The following LRMDA variants were observed in gnomAD, a reference collection of about 807,000 sequenced individuals.
LRMDA encodes the protein leucine rich melanocyte differentiation associated.
A neutral mutation model predicts 29.8 loss-of-function variants in LRMDA; 18 were observed. The ratio of observed to expected loss-of-function variants is 0.60; its 90% CI spans 0.42 to 0.90. The LOEUF is 0.90. Among genes scored for constraint, LRMDA ranks in the 40% least tolerant of loss-of-function variants. The probability of loss-of-function intolerance (pLI) is 0.00; values close to 1 mark genes in which losing one functional copy is unlikely to be tolerated. For missense variants in LRMDA, 273 were observed against 273.9 expected (o/e 1.00, Z 0.02); for synonymous variants, 125 against 109.4 (o/e 1.14, Z -0.89).
intron 2 of LRMDA, among the ~76,000 whole-genome samples, chr10:75,633,131 C>T (rs914949639): frequency 6.6e-6 from 1 of 152,160 alleles, no homozygotes. Context: ...GACCAAACTT[C>T]GCAAAGTGAC....
intron 5 of LRMDA, among the ~76,000 whole-genome samples, chr10:76,099,630 A>T (rs959479295): frequency 6.6e-6 from 1 of 151,830 alleles, no homozygotes; most frequent in South Asian, 2.1e-4. Context: ...TTGCCTTATG[A>T]CTTCCTTTTA....
At chr10:76,047,408 TG>T (rs1848459175) in intron 4 of LRMDA, 105 bp downstream of exon 4, 1 of 1,172,952 alleles carries the variant, frequency 8.5e-7, no homozygotes, top group Non-Finnish European at 1.1e-6. Context: ...TACATATCAG[TG>T]GGTTTCCCAT....
At chr10:76,336,305 A>C (rs1840968204) in intron 6 of LRMDA, among the ~76,000 whole-genome samples, 1 of 152,234 alleles carries the variant, frequency 6.6e-6, no homozygotes, top group African/African-American at 2.4e-5. Flanking sequence ...GGACTTGTGC[A>C]AGCACAGGGA....
intron 2 of LRMDA, among the ~76,000 whole-genome samples, chr10:76,014,608 C>T (rs1054268535): frequency 2.0e-5 from 3 of 152,192 alleles, no homozygotes; most frequent in Non-Finnish European, 2.9e-5. Flanking sequence ...AACAAAATAG[C>T]AGTTCAGCTT....
chr10:76,257,248 G>T (rs1313498931), intron 5 of LRMDA, among the ~76,000 whole-genome samples: 2 of 151,474 alleles, frequency 1.3e-5, no homozygotes, highest in Non-Finnish European at 2.9e-5. Flanking sequence ...TAACTGAAAA[G>T]AATTTTGTTT....
At chr10:76,030,207 T>G (rs1188915407) in intron 2 of LRMDA, among the ~76,000 whole-genome samples, 1 of 152,200 alleles carries the variant, frequency 6.6e-6, no homozygotes, top group African/African-American at 2.4e-5. Flanking sequence ...CTATTCATCT[T>G]GATACACTTA....
At chr10:75,976,078 C>T (rs1052672135) in intron 2 of LRMDA, among the ~76,000 whole-genome samples, 2 of 152,248 alleles carry the variant, frequency 1.3e-5, no homozygotes, top group Non-Finnish European at 2.9e-5. Context: ...TTCCCTCCAG[C>T]AGTTACCTGT....
chr10:75,954,347 GC>G (rs1012547011), intron 2 of LRMDA, among the ~76,000 whole-genome samples: 1 of 152,160 alleles, frequency 6.6e-6, no homozygotes, highest in African/African-American at 2.4e-5. Context: ...ATGATAGGCA[GC>G]CCCCCACCGT....
intron 5 of LRMDA, among the ~76,000 whole-genome samples, chr10:76,098,309 T>A (rs2132099357): frequency 6.6e-6 from 1 of 152,306 alleles, no homozygotes; most frequent in East Asian, 1.9e-4. Context: ...ACATGTAGTT[T>A]TTTATCACTT....
chr10:76,526,799 T>A (rs1843178982), intron 6 of LRMDA, among the ~76,000 whole-genome samples: 1 of 118,168 alleles, frequency 8.5e-6, no homozygotes, highest in Admixed American at 1.2e-4. Context: ...ATGCGGTGTT[T>A]GAAGGGGAAT....
chr10:75,928,529 G>A (rs1846158037), intron 2 of LRMDA, among the ~76,000 whole-genome samples: 1 of 152,134 alleles, frequency 6.6e-6, no homozygotes, highest in South Asian at 2.1e-4. Context: ...CAAGATATAA[G>A]GGCAATGAAA....
At chr10:75,661,780 A>G (rs978311076) in intron 2 of LRMDA, among the ~76,000 whole-genome samples, 2 of 152,134 alleles carry the variant, frequency 1.3e-5, no homozygotes. Context: ...TGAGACTTTA[A>G]AGACCCCTTT....
At chr10:76,197,928 A>G (rs1275396967) in intron 5 of LRMDA, among the ~76,000 whole-genome samples, 2 of 152,086 alleles carry the variant, frequency 1.3e-5, no homozygotes, top group African/African-American at 4.8e-5. Context: ...TCAAAAAAAA[A>G]AAAAATTGTT....
At chr10:76,015,506 GAGA>G (rs1214112529) in intron 2 of LRMDA, among the ~76,000 whole-genome samples, 2 of 152,214 alleles carry the variant, frequency 1.3e-5, no homozygotes, top group Non-Finnish European at 2.9e-5. Context: ...ACAAGGGAGA[GAGA>G]AGGAGAGGCC....
chr10:76,238,062 A>G (rs1358482181), intron 5 of LRMDA, among the ~76,000 whole-genome samples: 3 of 151,998 alleles, frequency 2.0e-5, no homozygotes, highest in Non-Finnish European at 4.4e-5. Context: ...AACTGCTGGG[A>G]TTATAGGCAT....
intron 6 of LRMDA, among the ~76,000 whole-genome samples, chr10:76,331,670 C>T (rs1327321104): frequency 4.6e-5 from 7 of 152,324 alleles, no homozygotes; most frequent in African/African-American, 1.7e-4. Context: ...ACCACTGTGC[C>T]TTGACTGTGT....
At chr10:76,119,684 G>A (rs991377885) in intron 5 of LRMDA, among the ~76,000 whole-genome samples, 2 of 152,086 alleles carry the variant, frequency 1.3e-5, no homozygotes, top group African/African-American at 4.8e-5. Flanking sequence ...CCAAACCCAT[G>A]AAACCATGTT....
chr10:75,692,525 A>G (rs1842181436), intron 2 of LRMDA, among the ~76,000 whole-genome samples: 1 of 150,434 alleles, frequency 6.6e-6, no homozygotes, highest in South Asian at 2.1e-4. Context: ...GTATACACAT[A>G]TGCGTATGTA....
intron 2 of LRMDA, among the ~76,000 whole-genome samples, chr10:75,964,716 C>T (rs1276542151): frequency 1.3e-5 from 2 of 152,094 alleles, no homozygotes; most frequent in South Asian, 2.1e-4. Flanking sequence ...GTGCCTGATC[C>T]GGAGCCAGAA....
Sources: gnomAD v4.1 joint callset for allele counts (sites outside exome capture counted in the v4.1 genomes callset) on GRCh38, gnomAD v4.1.1 for gene constraint, MANE v1.5 for transcripts, NCBI Gene and HGNC (gene_info 2026-07-23, HGNC 2026-07-21) for gene names.